Variants in UBE2U observed in about 807,000 individuals in gnomAD.
UBE2U encodes ubiquitin conjugating enzyme E2 U.
UBE2U carries 39 observed loss-of-function variants against 41.2 expected under a neutral mutation model. The observed-to-expected ratio is 0.95, with a 90% confidence interval of 0.73 to 1.24. UBE2U has a LOEUF of 1.24. Ranked by LOEUF, UBE2U falls within the 50% of genes most tolerant of loss-of-function variation. The pLI is 0.00. For missense variants in UBE2U, 336 were observed against 363.1 expected, an observed-to-expected ratio of 0.93 and a Z score of 0.61; for synonymous variants, 107 against 117.8, an observed-to-expected ratio of 0.91 and a Z score of 0.60.
intron 7 of UBE2U, among the ~76,000 whole-genome samples, chr1:64,239,138 GAAGAAGAAGAAGAAGAAGA>G (rs1221655047): frequency 0.048 from 1,419 of 29,586 alleles, 49 homozygotes; most frequent in South Asian, 0.1. Context: ...AGAAGAAGAA[GAAGAAGAAGAAGAAGAAGA>G]AAGAAGAAGA....
At chr1:64,205,562 AC>A in intron 1 of UBE2U, 76 bp from the exon 2 acceptor site, 1 of 1,160,522 alleles carries the variant, frequency 8.6e-7, no homozygotes, top group Non-Finnish European at 1.2e-6. Context: ...ATTCAGTGTG[AC>A]CTGGTATATG....
At chr1:64,241,956 T>C (rs914452589) in intron 8 of UBE2U, among the ~76,000 whole-genome samples, 4 of 152,152 alleles carry the variant, frequency 2.6e-5, no homozygotes, top group African/African-American at 7.2e-5. Context: ...AAGATGGAGA[T>C]AGGACATGAT....
intron 9 of UBE2U, among the ~76,000 whole-genome samples, chr1:64,261,953 CT>C (rs1421670186): frequency 6.6e-6 from 1 of 152,188 alleles, no homozygotes; most frequent in East Asian, 1.9e-4. Context: ...AAAATTTAGA[CT>C]CTTTGACACA....
In UBE2U at chr1:64,214,852, A is replaced by C. The variant is rs1369081580; in HGVS notation, c.377A>C (p.Asn126Thr). The C allele has an allele frequency of 1.2e-6, 2 of 1,614,178 alleles. No individual in the cohort carries two copies. Among genetic ancestry groups the C allele is most frequent in the Non-Finnish European group, 1.7e-6 (2 of 1,179,994 alleles). ...LSNPVLENPV[N>T]LEAARILVKD... ...AATCCAGTGCTAGAGAATCCAGTGAATTTGGAAGCAGCCAGAATACTGGTT... is the reference window on the plus strand; with the variant it reads ...AATCCAGTGCTAGAGAATCCAGTGACTTTGGAAGCAGCCAGAATACTGGTT... Residue 126 changes from asparagine to threonine, a missense_variant, in exon 5 of 10, where the codon AAT (asparagine) becomes ACT (threonine). Asn to Thr is a moderately conservative substitution (Grantham distance 65, BLOSUM62 0). Coordinates refer to ENST00000371077, the MANE Select transcript of UBE2U (RefSeq NM_001366232.2).
At chr1:64,225,008 C>G (rs1473216915) in intron 6 of UBE2U, among the ~76,000 whole-genome samples, 1 of 151,810 alleles carries the variant, frequency 6.6e-6, no homozygotes, top group African/African-American at 2.4e-5. Context: ...GAGAGAATCC[C>G]AATTCTTCCA....
intron 8 of UBE2U, among the ~76,000 whole-genome samples, chr1:64,257,596 C>A (rs1645114355): frequency 6.6e-6 from 1 of 152,110 alleles, no homozygotes; most frequent in South Asian, 2.1e-4. Context: ...GAACAACACA[C>A]ACTGAGGCCT....
intron 9 of UBE2U, 114 bp from the exon 10 acceptor site, chr1:64,266,910 C>A: frequency 1.1e-6 from 1 of 916,124 alleles, no homozygotes; most frequent in Non-Finnish European, 1.6e-6. Context: ...AAAGGTTGCT[C>A]ACATTCATTC....
chr1:64,239,157 A>AAGAAGAAGAAGAAG, intron 7 of UBE2U, among the ~76,000 whole-genome samples: 64 of 36,934 alleles, frequency 1.7e-3, no homozygotes, highest in African/African-American at 2.4e-3. Context: ...GAAGAAGAAG[A>AAGAAGAAGAAGAAG]AAGAAGAAGA....
intron 8 of UBE2U, among the ~76,000 whole-genome samples, chr1:64,251,905 G>A (rs1645016876): frequency 6.6e-6 from 1 of 152,172 alleles, no homozygotes; most frequent in Non-Finnish European, 1.5e-5. Context: ...CCATCCTGAG[G>A]GTCCCACTTT....
intron 9 of UBE2U, among the ~76,000 whole-genome samples, chr1:64,263,968 C>T (rs926767320): frequency 6.6e-5 from 10 of 152,172 alleles, no homozygotes; most frequent in Non-Finnish European, 1.5e-4. Context: ...CGTGTCAGTG[C>T]ATCAGACTAA....
At chr1:64,255,170 A>G (rs1645070463) in intron 8 of UBE2U, among the ~76,000 whole-genome samples, 1 of 152,168 alleles carries the variant, frequency 6.6e-6, no homozygotes, top group African/African-American at 2.4e-5. Context: ...GAAAATCTAG[A>G]AGAAATGGAT....
At chr1:64,219,424 T>C (rs983079103) in intron 5 of UBE2U, among the ~76,000 whole-genome samples, 7 of 152,100 alleles carry the variant, frequency 4.6e-5, no homozygotes, top group African/African-American at 1.4e-4. Context: ...CCACATTACA[T>C]AGGACATTTG....
intron 5 of UBE2U, among the ~76,000 whole-genome samples, chr1:64,215,854 T>C (rs1191872446): frequency 7.0e-6 from 1 of 141,972 alleles, no homozygotes; most frequent in East Asian, 2.0e-4. Flanking sequence ...AGTAGAGCAC[T>C]GCTTCTGGCT....
chr1:64,261,287 GT>G (rs1019820292), intron 9 of UBE2U, among the ~76,000 whole-genome samples: 10 of 152,046 alleles, frequency 6.6e-5, no homozygotes, highest in African/African-American at 1.2e-4. Context: ...TCTGAACTTA[GT>G]TTTTTTCATC....
chr1:64,255,459 TACA>T (rs1228611858), intron 8 of UBE2U, among the ~76,000 whole-genome samples: 3 of 152,056 alleles, frequency 2.0e-5, no homozygotes, highest in South Asian at 2.1e-4. Context: ...CTGGCAGAGA[TACA>T]ACAAGAAACA....
At chr1:64,230,169 C>T (rs2100380187) in intron 6 of UBE2U, among the ~76,000 whole-genome samples, 1 of 152,310 alleles carries the variant, frequency 6.6e-6, no homozygotes, top group South Asian at 2.1e-4. Context: ...TTTGCTGCCA[C>T]TCTGCTATTA....
At chr1:64,261,394 T>A (rs952805858) in intron 9 of UBE2U, among the ~76,000 whole-genome samples, 1 of 152,312 alleles carries the variant, frequency 6.6e-6, no homozygotes, top group African/African-American at 2.4e-5. Context: ...AGTGACTCCA[T>A]GTATAGACAA....
chr1:64,253,344 G>A (rs1321712570), intron 8 of UBE2U, among the ~76,000 whole-genome samples: 1 of 152,156 alleles, frequency 6.6e-6, no homozygotes, highest in Non-Finnish European at 1.5e-5. Flanking sequence ...ACATACTTCA[G>A]GATATCATCC....
intron 5 of UBE2U, among the ~76,000 whole-genome samples, chr1:64,218,742 C>G (rs751076967): frequency 5.9e-5 from 9 of 152,206 alleles, no homozygotes; most frequent in Non-Finnish European, 1.3e-4. Context: ...ATTAATATGA[C>G]TTTATAAATA....
Sources: gnomAD v4.1 joint callset for allele counts (sites outside exome capture counted in the v4.1 genomes callset) on GRCh38, gnomAD v4.1.1 for gene constraint, MANE v1.5 for transcripts, NCBI Gene and HGNC (gene_info 2026-07-23, HGNC 2026-07-21) for gene names.